DPF3: variants seen among roughly 807,000 people sequenced by gnomAD.
The protein encoded by DPF3 is zinc finger protein DPF3.
In DPF3, 18 loss-of-function variants were observed where a neutral mutation model predicts 56.8. That is an observed-to-expected ratio of 0.32 (90% CI 0.22 to 0.47). The LOEUF (loss-of-function observed/expected upper bound fraction) is 0.47. DPF3 is among the 20% of genes least tolerant of loss of function. DPF3 has a pLI of 1.00. For missense variants in DPF3, 403 were observed against 488.8 expected, an observed-to-expected ratio of 0.82 and a Z score of 1.65; for synonymous variants, 188 against 180.2, an observed-to-expected ratio of 1.04 and a Z score of -0.35.
chr14:72,849,281 ACTT>A (rs1173500251), intron 1 of DPF3, among the ~76,000 whole-genome samples: 1 of 152,108 alleles, frequency 6.6e-6, no homozygotes, highest in African/African-American at 2.4e-5. Flanking sequence ...TGGCTGTGAC[ACTT>A]CTTCTCTGTG....
At chr14:72,879,759 T>C (rs917835505) in intron 1 of DPF3, 83 of 1,509,898 alleles carry the variant, frequency 5.5e-5, no homozygotes, top group Non-Finnish European at 6.4e-5. Context: ...GAGCATCCCC[T>C]CAGACTAACA....
intron 4 of DPF3, among the ~76,000 whole-genome samples, chr14:72,724,713 T>G (rs1385386201): frequency 3.4e-5 from 5 of 147,412 alleles, no homozygotes; most frequent in Non-Finnish European, 6.0e-5. Context: ...TTTTGTTTGT[T>G]TTTTTTTTTT....
chr14:72,734,707 C>G (rs746824775), intron 3 of DPF3, among the ~76,000 whole-genome samples: 9 of 152,028 alleles, frequency 5.9e-5, no homozygotes, highest in Non-Finnish European at 1.2e-4. Flanking sequence ...ATGCGTCACC[C>G]GAGACCCTGA....
intron 2 of DPF3, among the ~76,000 whole-genome samples, chr14:72,761,835 A>C (rs1019781540): frequency 4.6e-5 from 7 of 151,926 alleles, no homozygotes; most frequent in Non-Finnish European, 8.8e-5. Flanking sequence ...GAGGTAAAAA[A>C]TAACATTCAA....
intron 1 of DPF3, among the ~76,000 whole-genome samples, chr14:72,795,100 G>T (rs568979454): frequency 6.6e-6 from 1 of 152,070 alleles, no homozygotes; most frequent in Non-Finnish European, 1.5e-5. Context: ...CATATTCATA[G>T]GTTCCAAGGA....
chr14:72,719,069 CTT>C (rs71448401), intron 5 of DPF3, among the ~76,000 whole-genome samples: 13 of 100,662 alleles, frequency 1.3e-4, no homozygotes, highest in Admixed American at 2.4e-4. Context: ...CGTGCCAGGC[CTT>C]TTTTTTTTTT....
At position 72,613,834 on chromosome 14, in the gene DPF3, C is replaced by T. The variant is rs370719542; in HGVS notation, c.*5463G>A. On this transcript the variant is annotated 3_prime_UTR_variant, in exon 11 of 11. Coordinates refer to ENST00000556509, the MANE Select transcript of DPF3 (RefSeq NM_001280542.3). ...GGGCTGCGCACATGGAGGGGGCGCC[C>T]GCCGCACAGCCAGGCCTCCCCGGGG... is the stretch of plus-strand genomic sequence containing the variant. 2.0e-5 allele frequency among the ~76,000 whole-genome samples: 3 copies of T among 152,198 alleles called. No homozygotes were observed. The highest frequency in any genetic ancestry group is 4.4e-5 in the Non-Finnish European group (3 of 68,026).
chr14:72,643,829 C>T (rs568548903), intron 8 of DPF3, among the ~76,000 whole-genome samples: 56 of 152,228 alleles, frequency 3.7e-4, no homozygotes, highest in Non-Finnish European at 6.5e-4. Flanking sequence ...TCCCCACTCA[C>T]CTTGTCTAAG....
intron 8 of DPF3, among the ~76,000 whole-genome samples, chr14:72,645,075 A>G (rs1885677733): frequency 1.3e-5 from 2 of 152,194 alleles, no homozygotes; most frequent in Admixed American, 1.3e-4. Context: ...AGGCACTATT[A>G]AGCTGAATAG....
At chr14:72,655,698 G>A (rs1042223796) in intron 8 of DPF3, among the ~76,000 whole-genome samples, 1 of 152,214 alleles carries the variant, frequency 6.6e-6, no homozygotes, top group Non-Finnish European at 1.5e-5. Flanking sequence ...CAAAAGGCTT[G>A]AGACATTGCT....
At chr14:72,739,157 G>A (rs141120834) in intron 3 of DPF3, among the ~76,000 whole-genome samples, 2 of 151,694 alleles carry the variant, frequency 1.3e-5, no homozygotes, top group Non-Finnish European at 2.9e-5. Context: ...TGGGAGAATC[G>A]CTTGAACCTG....
chr14:72,822,651 T>C (rs1175308053), intron 1 of DPF3, among the ~76,000 whole-genome samples: 2 of 152,186 alleles, frequency 1.3e-5, no homozygotes, highest in Non-Finnish European at 2.9e-5. Context: ...TCTGTAGTGT[T>C]TAAATTTTTT....
chr14:72,724,698 G>A (rs1456734182), intron 4 of DPF3, among the ~76,000 whole-genome samples: 7 of 133,014 alleles, frequency 5.3e-5, no homozygotes, highest in Non-Finnish European at 1.1e-4. Context: ...GGGGCCCAGA[G>A]GGGTTTTTGT....
intron 1 of DPF3, among the ~76,000 whole-genome samples, chr14:72,835,267 C>T (rs539484543): frequency 2.0e-5 from 3 of 152,216 alleles, no homozygotes; most frequent in Non-Finnish European, 2.9e-5. Flanking sequence ...GGGATTTCAC[C>T]GTGTTGGCCA....
chr14:72,656,800 T>C (rs1278046550), intron 8 of DPF3, among the ~76,000 whole-genome samples: 1 of 152,210 alleles, frequency 6.6e-6, no homozygotes, highest in African/African-American at 2.4e-5. Context: ...CGCTGAAAGT[T>C]ATCCTGAGGT....
intron 7 of DPF3, among the ~76,000 whole-genome samples, chr14:72,679,851 G>A (rs958719453): frequency 2.0e-5 from 3 of 152,242 alleles, no homozygotes; most frequent in South Asian, 2.1e-4. Context: ...CCGGCCAGGC[G>A]GGACGTGCTG....
chr14:72,808,738 G>A (rs936107563), intron 1 of DPF3, among the ~76,000 whole-genome samples: 5 of 152,158 alleles, frequency 3.3e-5, no homozygotes, highest in African/African-American at 4.8e-5. Flanking sequence ...GCAGGGAACC[G>A]GAAAGAGAGA....
intron 2 of DPF3, among the ~76,000 whole-genome samples, chr14:72,759,159 T>C (rs1445703965): frequency 6.6e-6 from 1 of 152,046 alleles, no homozygotes; most frequent in Non-Finnish European, 1.5e-5. Flanking sequence ...ATGTGCAAGA[T>C]GAAAATCATA....
chr14:72,647,204 A>G (rs139818781), intron 8 of DPF3, among the ~76,000 whole-genome samples: 161 of 152,300 alleles, frequency 1.1e-3, no homozygotes, highest in Non-Finnish European at 1.8e-3. Flanking sequence ...TAAAAGAACA[A>G]AAGGCCAAGG....
Sources: allele counts gnomAD v4.1 joint callset (sites outside exome capture counted in the v4.1 genomes callset), GRCh38; gene constraint gnomAD v4.1.1; transcripts MANE v1.5; gene names NCBI Gene and HGNC (gene_info 2026-07-23, HGNC 2026-07-21).